Variants in EPM2A observed in about 807,000 individuals in gnomAD.
The protein encoded by EPM2A is laforin.
In EPM2A, 21 loss-of-function variants were observed where a neutral mutation model predicts 26.5. The observed-to-expected ratio is 0.79, with a 90% confidence interval of 0.56 to 1.14. The LOEUF (loss-of-function observed/expected upper bound fraction) is 1.14, where lower values mean the gene tolerates loss of function less well. EPM2A is among the 50% of genes most tolerant of loss of function. The pLI is 0.00. For synonymous variants in EPM2A, 217 were observed against 177.6 expected (o/e 1.22, Z -1.76); for missense variants, 458 against 440.8 (o/e 1.04, Z -0.35).
intron 2 of EPM2A, among the ~76,000 whole-genome samples, chr6:145,597,645 T>C (rs1315996670): frequency 1.3e-5 from 2 of 152,068 alleles, no homozygotes; most frequent in African/African-American, 2.4e-5. Flanking sequence ...ACACATGTCA[T>C]GGGGATGTGT....
chr6:145,503,615 C>G (rs4896816), intron 2 of EPM2A, among the ~76,000 whole-genome samples: 5 of 94,058 alleles, frequency 5.3e-5, no homozygotes, highest in Non-Finnish European at 6.3e-5. Flanking sequence ...AATGGAAGAA[C>G]ATTCCATGCT....
chr6:145,390,597 C>T (rs1052631689), intron 4 of EPM2A, among the ~76,000 whole-genome samples: 2 of 151,404 alleles, frequency 1.3e-5, no homozygotes, highest in Non-Finnish European at 2.9e-5. Flanking sequence ...TTCTTTCTCT[C>T]GCTCCCGCTC....
At chr6:145,417,184 A>G (rs891760399) in intron 4 of EPM2A, among the ~76,000 whole-genome samples, 5 of 152,144 alleles carry the variant, frequency 3.3e-5, no homozygotes, top group East Asian at 3.9e-4. Flanking sequence ...GCTTATTTCA[A>G]TTTGGTTTTC....
chr6:145,472,238 G>A (rs749457678), intron 4 of EPM2A, among the ~76,000 whole-genome samples: 4 of 151,606 alleles, frequency 2.6e-5, no homozygotes, highest in African/African-American at 7.3e-5. Context: ...AAGGACCCCT[G>A]GGCCCTGAGT....
chr6:145,473,394 A>G (rs1350224237), intron 4 of EPM2A, among the ~76,000 whole-genome samples: 1 of 152,046 alleles, frequency 6.6e-6, no homozygotes, highest in Non-Finnish European at 1.5e-5. Context: ...AAAACAATGA[A>G]GCATGCCTAC....
At chr6:145,610,748 C>A (rs1775375112) in intron 2 of EPM2A, among the ~76,000 whole-genome samples, 1 of 152,194 alleles carries the variant, frequency 6.6e-6, no homozygotes, top group African/African-American at 2.4e-5. Flanking sequence ...TATCCTTCTT[C>A]AGACTTGTTG....
At chr6:145,594,032 A>T (rs1454919775) in intron 2 of EPM2A, among the ~76,000 whole-genome samples, 1 of 151,982 alleles carries the variant, frequency 6.6e-6, no homozygotes, top group Non-Finnish European at 1.5e-5. Context: ...TTAGAGAGAG[A>T]GTGAAAAAGA....
chr6:145,564,345 A>G (rs1338670422), intron 2 of EPM2A, among the ~76,000 whole-genome samples: 2 of 152,216 alleles, frequency 1.3e-5, no homozygotes, highest in Admixed American at 1.3e-4. Flanking sequence ...TTGCAGACAA[A>G]ATAAAATTAA....
At chr6:145,390,829 T>TTC (rs140089780) in intron 4 of EPM2A, among the ~76,000 whole-genome samples, 38,814 of 151,930 alleles carry the variant, frequency 0.26, 5,459 homozygotes, top group Non-Finnish European at 0.32. Flanking sequence ...AACTTAAATG[T>TTC]TCTCACTAGT....
At chr6:145,702,192 GAA>G in intron 1 of EPM2A, among the ~76,000 whole-genome samples, 1 of 151,888 alleles carries the variant, frequency 6.6e-6, no homozygotes, top group South Asian at 2.1e-4. Flanking sequence ...ATGCTCTATG[GAA>G]AAAAAACTTT....
At chr6:145,451,218 A>G (rs543582409) in intron 4 of EPM2A, among the ~76,000 whole-genome samples, 2 of 152,352 alleles carry the variant, frequency 1.3e-5, no homozygotes, top group East Asian at 3.9e-4. Flanking sequence ...ACTGCACATG[A>G]TTTTTGAACA....
intron 4 of EPM2A, among the ~76,000 whole-genome samples, chr6:145,434,635 C>G (rs192192453): frequency 2.0e-5 from 3 of 152,174 alleles, no homozygotes; most frequent in Admixed American, 1.3e-4. Flanking sequence ...ATTTACGTAA[C>G]ATAAAATTCA....
intron 4 of EPM2A, among the ~76,000 whole-genome samples, chr6:145,468,325 T>C (rs1041203895): frequency 1.3e-5 from 2 of 152,170 alleles, no homozygotes; most frequent in Non-Finnish European, 2.9e-5. Context: ...TCGCCGTACA[T>C]TGTAAGTTCC....
Position 145,648,546 on chromosome 6 carries a change from G to C in EPM2A, c.477-13060C>G, listed in dbSNP as rs138093618. Among the ~76,000 whole-genome samples the C allele has an allele frequency of 3.3e-5, 5 of 152,322 alleles. No individual in the cohort carries two copies. In the East Asian group the frequency reaches 7.7e-4, roughly 23 times the overall value. On this transcript the variant is annotated intron_variant, in intron 2 of 3. Transcript: ENST00000367519. ...AGCTGTTAACGCAGGTGGACAAGTT[G>C]AGTAGTAATGACAAATGTGATTCTA...
intron 4 of EPM2A, among the ~76,000 whole-genome samples, chr6:145,419,686 A>C (rs1359953870): frequency 2.0e-5 from 3 of 152,148 alleles, no homozygotes; most frequent in Non-Finnish European, 4.4e-5. Flanking sequence ...ACTAAAGACT[A>C]AAATTATCAA....
At chr6:145,602,360 T>A (rs1479185675) in intron 2 of EPM2A, among the ~76,000 whole-genome samples, 1 of 152,226 alleles carries the variant, frequency 6.6e-6, no homozygotes, top group Non-Finnish European at 1.5e-5. Flanking sequence ...GAGAAAACTT[T>A]CCTTTTGACT....
intron 2 of EPM2A, among the ~76,000 whole-genome samples, chr6:145,587,453 C>G (rs182403499): frequency 6.6e-6 from 1 of 152,266 alleles, no homozygotes; most frequent in East Asian, 1.9e-4. Flanking sequence ...TAATCCACAA[C>G]AGAGGACAAA....
intron 2 of EPM2A, among the ~76,000 whole-genome samples, chr6:145,574,583 C>A (rs1781004097): frequency 6.6e-6 from 1 of 152,172 alleles, no homozygotes; most frequent in Non-Finnish European, 1.5e-5. Flanking sequence ...AAGGGTATAT[C>A]TTCTGGACCC....
At chr6:145,561,527 A>T (rs181038562) in intron 2 of EPM2A, among the ~76,000 whole-genome samples, 22 of 152,228 alleles carry the variant, frequency 1.4e-4, no homozygotes, top group Non-Finnish European at 2.8e-4. Context: ...ACAAGGGAAG[A>T]CTGCAGCAGA....
Sources: allele counts gnomAD v4.1 joint callset (sites outside exome capture counted in the v4.1 genomes callset), GRCh38; gene constraint gnomAD v4.1.1; transcripts MANE v1.5; gene names NCBI Gene and HGNC (gene_info 2026-07-23, HGNC 2026-07-21).